Variants in PCDHGA12 observed in about 807,000 individuals in gnomAD.
PCDHGA12 encodes the protein protocadherin gamma subfamily A, 12.
A neutral mutation model predicts 61.1 loss-of-function variants in PCDHGA12; 43 were observed. The ratio of observed to expected loss-of-function variants is 0.70; its 90% CI spans 0.55 to 0.91. The LOEUF (loss-of-function observed/expected upper bound fraction) is 0.91, where lower values mean the gene tolerates loss of function less well. PCDHGA12 is among the 40% of genes least tolerant of loss of function. The pLI, the probability that PCDHGA12 is intolerant of heterozygous loss-of-function variation, is 0.00. For synonymous variants in PCDHGA12, 520 were observed against 542.9 expected, an observed-to-expected ratio of 0.96 and a Z score of 0.59; for missense variants, 1,236 against 1,227.7, an observed-to-expected ratio of 1.01 and a Z score of -0.10.
intron 1 of PCDHGA12, among the ~76,000 whole-genome samples, chr5:141,457,612 G>T (rs1011626121): frequency 1.8e-4 from 27 of 152,232 alleles, no homozygotes; most frequent in Non-Finnish European, 2.9e-4. Flanking sequence ...AATTATGAAT[G>T]AACTTTAATC....
chr5:141,504,765 C>T lies in PCDHGA12; in HGVS notation c.2484-628C>T, dbSNP rs548234873. ...ATTGAATTTTAGAAATTTCTTCTCC[C>T]TGCTCCAGGGTCTCTTGGGGCCTCC... On this transcript the variant is annotated intron_variant, in intron 2 of 3. Transcript: ENST00000252085. Among the ~76,000 whole-genome samples, 4 of 152,156 alleles carry T rather than the reference C, an allele frequency of 2.6e-5. No homozygotes were observed. The South Asian group carries it at 8.3e-4, about 32-fold the overall frequency.
rs1447560622 is a variant in PCDHGA12, at chr5:141,430,888, T to C, written c.129T>C (p.Ser43=). 5 of 1,605,402 alleles carry C rather than the reference T, an allele frequency of 3.1e-6. No homozygotes were observed. Among genetic ancestry groups the C allele is most frequent in the Admixed American group, 1.7e-5 (1 of 58,370 alleles). ...YSVPEELEKG[S]RVGDISRDLG... is the part of the protein sequence containing the mutation. ...TTCCGGAAGAGCTGGAGAAAGGCTCTAGGGTGGGCGACATCTCCAGGGACC... is the reference window on the plus strand; with the variant it reads ...TTCCGGAAGAGCTGGAGAAAGGCTCCAGGGTGGGCGACATCTCCAGGGACC... The change falls in exon 1 of 4, where the codon TCT becomes TCC. Residue 43 remains serine (S), a synonymous_variant. Coordinates refer to ENST00000252085, the MANE Select transcript of PCDHGA12 (RefSeq NM_003735.3).
chr5:141,476,562 C>A lies in PCDHGA12; in HGVS notation c.2425-18245C>A. On this transcript the variant is annotated intron_variant, in intron 1 of 3. Transcript: ENST00000252085. This position sits in a 1 kb window ranked among gnomAD's most constrained non-coding sequence, Gnocchi z 7.6. ...AAATTGGAGATTAGCGAGGCCGTGG[C>A]TCCGGGGACGCGCTTTCCGCTCGAG... 1 of 1,614,218 alleles carries A rather than the reference C, an allele frequency of 6.2e-7. No homozygotes were observed. The highest frequency in any genetic ancestry group is 8.5e-7 in the Non-Finnish European group (1 of 1,180,034).
intron 1 of PCDHGA12, among the ~76,000 whole-genome samples, chr5:141,457,387 T>A (rs530736201): frequency 2.0e-5 from 3 of 152,340 alleles, no homozygotes; most frequent in Non-Finnish European, 2.9e-5. Context: ...AGAACTAGCA[T>A]ATTGATTCAC....
rs1452697214 is a variant in PCDHGA12 at position 141,476,552 on chromosome 5, G to T, written c.2425-18255G>T. ...CCAGGAAATGAAATTGGAGATTAGC[G>T]AGGCCGTGGCTCCGGGGACGCGCTT... On this transcript the variant is annotated intron_variant, in intron 1 of 3. Transcript: ENST00000252085. The surrounding 1 kb of genome is among the most constrained non-coding windows in gnomAD (Gnocchi z 7.6). 6.2e-7 allele frequency: 1 copy of T among 1,614,210 alleles called. No individual in the cohort carries two copies. The highest frequency in any genetic ancestry group is 2.2e-5 in the East Asian group (1 of 44,872).
In PCDHGA12 at chr5:141,510,929, C is replaced by T. The variant is rs1238694958; in HGVS notation, c.2573-18C>T. The T allele has an allele frequency of 3.1e-6, 5 of 1,613,988 alleles. No homozygotes were observed. The highest frequency in any genetic ancestry group is 4.2e-6 in the Non-Finnish European group (5 of 1,179,988). On this transcript the variant is annotated intron_variant, in intron 3 of 3. Coordinates refer to ENST00000252085, the MANE Select transcript of PCDHGA12 (RefSeq NM_003735.3). ...ACCCTAAGTTTAGCTCCCACCTGAT[C>T]TTCCTCTGTCTCTGCAGAAGCTGCT...
At chr5:141,457,475 G>T (rs1203288452) in intron 1 of PCDHGA12, among the ~76,000 whole-genome samples, 1 of 152,142 alleles carries the variant, frequency 6.6e-6, no homozygotes, top group East Asian at 1.9e-4. Flanking sequence ...AATAAGCAGG[G>T]CCAGGGTTAG....
At position 141,491,681 on chromosome 5, in the gene PCDHGA12, C is replaced by T; in HGVS notation, c.2425-3126C>T. 6.2e-6 allele frequency: 10 copies of T among 1,613,458 alleles called. No homozygotes were observed. Among genetic ancestry groups the T allele is most frequent in the Non-Finnish European group, 8.5e-6 (10 of 1,179,804 alleles). On this transcript the variant is annotated intron_variant, in intron 1 of 3. Transcript: ENST00000252085. The surrounding 1 kb of genome is among the most constrained non-coding windows in gnomAD (Gnocchi z 6.9). ...GACGCCATCCGGTCCCGCTCTAATA[C>T]GCTGCGGGAGCGGAGCCAGGTGAGG...
Position 141,490,958 on chromosome 5 carries a change from A to T in PCDHGA12, c.2425-3849A>T, listed in dbSNP as rs771797392. 4.6e-5 allele frequency: 74 copies of T among 1,613,610 alleles called. No individual in the cohort carries two copies. The highest frequency in any genetic ancestry group is 1.6e-4 in the Middle Eastern group (1 of 6,084). ...CTGCACCCACGGCCAGACTGGGAAC[A>T]CTCAGCCCCCCAGCGTCTCCCTCGC... On this transcript the variant is annotated intron_variant, in intron 1 of 3. Coordinates refer to ENST00000252085, the MANE Select transcript of PCDHGA12 (RefSeq NM_003735.3). This position sits in a 1 kb window ranked among gnomAD's most constrained non-coding sequence, Gnocchi z 5.4.
At chr5:141,494,554 T>C (rs1270280236) in intron 1 of PCDHGA12, among the ~76,000 whole-genome samples, 1 of 152,178 alleles carries the variant, frequency 6.6e-6, no homozygotes, top group African/African-American at 2.4e-5. Flanking sequence ...GGGCCATTTC[T>C]TTAGGAAAGG....
intron 1 of PCDHGA12, among the ~76,000 whole-genome samples, chr5:141,483,361 A>C (rs752805137): frequency 4.6e-5 from 7 of 152,102 alleles, no homozygotes; most frequent in Non-Finnish European, 7.4e-5. Flanking sequence ...TTTGAAAGCT[A>C]TTGCAATATT....
chr5:141,496,499 G>A (rs1417059875), intron 2 of PCDHGA12, among the ~76,000 whole-genome samples: 1 of 152,102 alleles, frequency 6.6e-6, no homozygotes, highest in Non-Finnish European at 1.5e-5. Context: ...AACCCTTGTT[G>A]CCACAAGGAC....
At chr5:141,433,272 C>A in intron 1 of PCDHGA12, 89 bp downstream of exon 1, 1 of 1,252,410 alleles carries the variant, frequency 8.0e-7, no homozygotes, top group Non-Finnish European at 1.1e-6. Context: ...TAGCTCACTG[C>A]AGCCTCAAAC....
At chr5:141,483,670 A>G (rs1158511173) in intron 1 of PCDHGA12, among the ~76,000 whole-genome samples, 1 of 138,404 alleles carries the variant, frequency 7.2e-6, no homozygotes, top group African/African-American at 3.1e-5. Context: ...GTGTGTGTGT[A>G]AAAGAACACA....
chr5:141,438,700 AC>A (rs2098052453), intron 1 of PCDHGA12, among the ~76,000 whole-genome samples: 1 of 144,406 alleles, frequency 6.9e-6, no homozygotes, highest in Non-Finnish European at 1.5e-5. Context: ...TTGCTCTGTC[AC>A]CCAGGCTGGA....
intron 1 of PCDHGA12, among the ~76,000 whole-genome samples, chr5:141,484,170 A>G (rs962978452): frequency 6.6e-6 from 1 of 152,210 alleles, no homozygotes; most frequent in Non-Finnish European, 1.5e-5. Context: ...TTGGTAGCTG[A>G]TCTCAATCAT....
At chr5:141,507,262 G>A (rs1294679320) in intron 3 of PCDHGA12, 6 of 151,748 alleles carry the variant, frequency 4.0e-5, no homozygotes, top group Non-Finnish European at 8.8e-5. Flanking sequence ...TAAACAGCAA[G>A]TACTATTTCA....
rs1390441638 is a variant in PCDHGA12, at chr5:141,432,562, C to T, written c.1803C>T (p.Asn601=). 1.9e-6 allele frequency: 3 copies of T among 1,613,964 alleles called. No individual in the cohort carries two copies. Among genetic ancestry groups the T allele is most frequent in the Non-Finnish European group, 2.5e-6 (3 of 1,180,004 alleles). Residue 601 remains asparagine (N), a synonymous_variant, in exon 1 of 4, where the codon AAC becomes AAT. Coordinates refer to ENST00000252085, the MANE Select transcript of PCDHGA12 (RefSeq NM_003735.3). This position sits in a 1 kb window ranked among gnomAD's most constrained non-coding sequence, Gnocchi z 6.0. ...VVAVDRDSGQ[N]AWLSYRLLKA... ...CGGTGGACAGAGACTCCGGCCAGAA[C>T]GCCTGGCTGTCCTACCGTCTGCTCA...
Position 141,487,925 on chromosome 5 carries a change from C to T in PCDHGA12, c.2425-6882C>T. 4.8e-6 allele frequency: 3 copies of T among 629,734 alleles called. No homozygotes were observed. The highest frequency in any genetic ancestry group is 8.3e-6 in the Non-Finnish European group (3 of 362,440). 39.0% of individuals were successfully genotyped at this position (629,734 alleles called of 1,614,324 possible). On this transcript the variant is annotated intron_variant, in intron 1 of 3. Coordinates refer to ENST00000252085, the MANE Select transcript of PCDHGA12 (RefSeq NM_003735.3). The surrounding 1 kb of genome is among the most constrained non-coding windows in gnomAD (Gnocchi z 5.0). ...TGTGGGAGCACAGGAGGCTACAGTGCACAGGGTACAGTGCACCAGGCAGTC... is the reference window on the plus strand; with the variant it reads ...TGTGGGAGCACAGGAGGCTACAGTGTACAGGGTACAGTGCACCAGGCAGTC...
Sources: gnomAD v4.1 joint callset for allele counts (sites outside exome capture counted in the v4.1 genomes callset) on GRCh38, gnomAD v4.1.1 for gene constraint, Gnocchi (gnomAD v3.1) non-coding constraint, MANE v1.5 for transcripts, NCBI Gene and HGNC (gene_info 2026-07-23, HGNC 2026-07-21) for gene names.